Variants in MYLK observed in about 807,000 individuals in gnomAD.
The protein encoded by MYLK is myosin light chain kinase, also known as myosin light chain kinase, smooth muscle.
MYLK carries 106 observed loss-of-function variants against 203.4 expected under a neutral mutation model. The observed-to-expected ratio is 0.52, with a 90% CI of 0.45 to 0.61. The LOEUF is 0.61. MYLK is among the 20% of genes least tolerant of loss of function. MYLK has a pLI of 0.00. For synonymous variants in MYLK, 867 were observed against 959.5 expected (o/e 0.90, Z 1.78); for missense variants, 2,072 against 2,442.3 (o/e 0.85, Z 3.20).
At position 123,752,479 on chromosome 3, in the gene MYLK, G is replaced by A. The variant is rs371699704; in HGVS notation, c.225C>T (p.Ser75=). The change falls in exon 5 of 34, where the codon AGC becomes AGT. Residue 75 remains serine, a synonymous_variant. Coordinates refer to ENST00000360304, the MANE Select transcript of MYLK (RefSeq NM_053025.4). ...CGCAATCCAGCAGGAAGCGGCCCCC[G>A]CTGGTGATGGGTTGCCCGTTTCTGT... ...TWHRNGQPIT[S]GGRFLLDCGI... 53 of 1,614,136 alleles carry A rather than the reference G, an allele frequency of 3.3e-5. No individual in the cohort carries two copies. The highest frequency in any genetic ancestry group is 1.3e-4 in the East Asian group (6 of 44,868).
intron 12 of MYLK, among the ~76,000 whole-genome samples, chr3:123,724,727 C>T (rs935694222): frequency 2.9e-5 from 3 of 105,034 alleles, no homozygotes; most frequent in Admixed American, 2.3e-4. Context: ...ACTGCTCGCT[C>T]GCTTGCTCGC....
In MYLK at chr3:123,687,228, A is replaced by G. The variant is rs537415521; in HGVS notation, c.3566-4918T>C. Among the ~76,000 whole-genome samples the G allele has an allele frequency of 3.3e-5, 5 of 152,276 alleles. No individual in the cohort carries two copies. The South Asian group carries it at 1.0e-3, about 32-fold the overall frequency. ...AAAGAGTGAAACTCTGTCTCAAAAT[A>G]AATAAATAAATAAATGTGGGGGTGG... On this transcript the variant is annotated intron_variant, in intron 19 of 33. Coordinates refer to ENST00000360304, the MANE Select transcript of MYLK (RefSeq NM_053025.4).
intron 5 of MYLK, among the ~76,000 whole-genome samples, chr3:123,745,278 C>T (rs1028596048): frequency 4.6e-5 from 7 of 152,118 alleles, no homozygotes; most frequent in Non-Finnish European, 7.3e-5. Flanking sequence ...CAGCAACACT[C>T]CCAATCACTG....
intron 2 of MYLK, among the ~76,000 whole-genome samples, chr3:123,844,516 C>T (rs1469404962): frequency 1.3e-5 from 2 of 152,118 alleles, no homozygotes; most frequent in African/African-American, 4.8e-5. Context: ...AAAATATAGG[C>T]CTACCTCTTA....
chr3:123,612,067 A>ATGAT lies in MYLK; in HGVS notation c.*2034_*2037dup, dbSNP rs1279401547. The ATGAT allele has an allele frequency of 6.6e-6, 1 of 152,490 alleles. No individual in the cohort carries two copies. The highest frequency in any genetic ancestry group is 1.5e-5 in the Non-Finnish European group (1 of 68,052). 9.4% of individuals were successfully genotyped at this position (152,490 alleles called of 1,614,324 possible). Reference sequence around the variant, plus strand: ...CTGCTCTATAAGATATCCTTCTAGAATGATTGATATAGTACTAAGCTGATG... The same window carrying ATGAT: ...CTGCTCTATAAGATATCCTTCTAGAATGATTGATTGATATAGTACTAAGCTGATG... On this transcript the variant is annotated 3_prime_UTR_variant, in exon 34 of 34. Transcript: ENST00000360304.
At chr3:123,821,393 T>C (rs995714421) in intron 3 of MYLK, among the ~76,000 whole-genome samples, 3 of 152,196 alleles carry the variant, frequency 2.0e-5, no homozygotes, top group Non-Finnish European at 2.9e-5. Flanking sequence ...CTTTAATGGA[T>C]AGCAAATGAA....
At chr3:123,682,361 C>T (rs1182492860) in intron 19 of MYLK, 51 bp from the exon 20 acceptor site, 1 of 1,388,156 alleles carries the variant, frequency 7.2e-7, no homozygotes, top group South Asian at 1.2e-5. Context: ...AGGAAATGAG[C>T]AAAGGGGGTC....
intron 18 of MYLK, 93 bp downstream of exon 18, chr3:123,699,927 C>T (rs555865452): frequency 6.4e-7 from 1 of 1,557,762 alleles, no homozygotes; most frequent in East Asian, 2.2e-5. Context: ...TACCTATGGG[C>T]TGCTAACAGG....
At chr3:123,709,071 G>T in intron 14 of MYLK, 176 bp from the exon 15 acceptor site, 1 of 562,426 alleles carries the variant, frequency 1.8e-6, no homozygotes. Context: ...TTTGTTGGGA[G>T]GACCTTAAAA....
chr3:123,784,190 C>T lies in MYLK; in HGVS notation c.165+9487G>A, dbSNP rs142616111. Among the ~76,000 whole-genome samples, 394 of 152,270 alleles carry T rather than the reference C, an allele frequency of 2.6e-3. 7 individuals carry two copies. The highest frequency in any genetic ancestry group is 8.3e-3 in the East Asian group (43 of 5,186). On this transcript the variant is annotated intron_variant, in intron 4 of 33. Transcript: ENST00000360304. ...TGGAAACTAATGTCAGACACAGTGA[C>T]GGCACCCTCTGGGCCAGTGTGGCCA...
intron 19 of MYLK, among the ~76,000 whole-genome samples, chr3:123,687,873 T>C (rs2060519196): frequency 6.6e-6 from 1 of 152,116 alleles, no homozygotes. Flanking sequence ...GGTTTCACCA[T>C]GTAGCCCAGG....
intron 13 of MYLK, among the ~76,000 whole-genome samples, chr3:123,719,540 C>T (rs1026162580): frequency 2.0e-5 from 3 of 152,236 alleles, no homozygotes; most frequent in African/African-American, 7.2e-5. Flanking sequence ...CTATCCTATG[C>T]TCTGGGGATA....
In MYLK at chr3:123,648,045, G is replaced by A. The variant is rs2059083741; in HGVS notation, c.4416-618C>T. Among the ~76,000 whole-genome samples the A allele has an allele frequency of 6.6e-6, 1 of 152,194 alleles. No homozygotes were observed. The highest frequency in any genetic ancestry group is 1.5e-5 in the Non-Finnish European group (1 of 68,036). On this transcript the variant is annotated intron_variant, in intron 26 of 33. Coordinates refer to ENST00000360304, the MANE Select transcript of MYLK (RefSeq NM_053025.4). This position sits in a 1 kb window ranked among gnomAD's most constrained non-coding sequence, Gnocchi z 4.5. ...CTGGTGATGGCCCAGGCAGGGTCCT[G>A]CTTCCTACTGCTGAGAGAGGGGAGA...
At chr3:123,878,770 C>G (rs187544076) in intron 1 of MYLK, among the ~76,000 whole-genome samples, 3 of 152,168 alleles carry the variant, frequency 2.0e-5, no homozygotes, top group Non-Finnish European at 4.4e-5. Context: ...TCACTGCAAC[C>G]TCTGCTCCTG....
chr3:123,764,042 AT>A (rs1405909203), intron 4 of MYLK, among the ~76,000 whole-genome samples: 1 of 152,206 alleles, frequency 6.6e-6, no homozygotes, highest in Non-Finnish European at 1.5e-5. Context: ...CAACTAGTAT[AT>A]TGAATTTATT....
chr3:123,743,130 A>G (rs535177869), intron 5 of MYLK, among the ~76,000 whole-genome samples: 1 of 152,292 alleles, frequency 6.6e-6, no homozygotes, highest in South Asian at 2.1e-4. Flanking sequence ...TATGTTAGGT[A>G]TGTATATTTT....
chr3:123,861,928 G>A lies in MYLK; in HGVS notation c.-127+14631C>T, dbSNP rs529518099. 6.6e-5 allele frequency among the ~76,000 whole-genome samples: 10 copies of A among 152,326 alleles called. No individual in the cohort carries two copies. The East Asian group carries it at 1.5e-3, about 24-fold the overall frequency. ...ATCTGGGCAACAATACACTTGAGGT[G>A]TCACCCCTTCCGCAGGCAGGAGTAT... is the stretch of plus-strand genomic sequence containing the variant. On this transcript the variant is annotated intron_variant, in intron 2 of 33. Transcript: ENST00000360304.
intron 24 of MYLK, among the ~76,000 whole-genome samples, chr3:123,655,657 C>A (rs2059369445): frequency 6.6e-6 from 1 of 152,156 alleles, no homozygotes. Context: ...TCAGTCTAAC[C>A]AAAGGAGCAC....
intron 4 of MYLK, among the ~76,000 whole-genome samples, chr3:123,773,217 A>G (rs2063945513): frequency 6.6e-6 from 1 of 152,190 alleles, no homozygotes; most frequent in Admixed American, 6.5e-5. Flanking sequence ...AGCATATAAA[A>G]CCAGTTACTT....
Sources: gnomAD v4.1 joint callset for allele counts (sites outside exome capture counted in the v4.1 genomes callset) on GRCh38, gnomAD v4.1.1 for gene constraint, Gnocchi (gnomAD v3.1) non-coding constraint, MANE v1.5 for transcripts, NCBI Gene and HGNC (gene_info 2026-07-23, HGNC 2026-07-21) for gene names.